Variants in ZMYND8 observed in about 807,000 individuals in gnomAD.
ZMYND8 encodes the protein MYND-type zinc finger-containing chromatin reader ZMYND8.
In ZMYND8, 37 loss-of-function variants were observed where a neutral mutation model predicts 140.8. The observed-to-expected ratio is 0.26, with a 90% CI of 0.20 to 0.35. ZMYND8 has a LOEUF of 0.35. ZMYND8 is among the 10% of genes least tolerant of loss of function. The pLI is 1.00. For missense variants in ZMYND8, 1,068 were observed against 1,570.0 expected (o/e 0.68, Z 5.40); for synonymous variants, 592 against 597.1 (o/e 0.99, Z 0.12).
In ZMYND8 at chr20:47,300,884, TTGTGTGTGTGTGTGTGTGTGTGTGTG is replaced by T. The variant is rs200833449; in HGVS notation, c.235-1963_235-1938del. ...TGAGCGCCACCATGCACAACTAATTTTGTGTGTGTGTGTGTGTGTGTGTGTGTGTGTGTGTGTGTGTGTGTGTGTGT... is the reference window on the plus strand; with the variant it reads ...TGAGCGCCACCATGCACAACTAATTTTGTGTGTGTGTGTGTGTGTGTGTGT... On this transcript the variant is annotated intron_variant, in intron 3 of 22. Transcript: ENST00000471951. Among the ~76,000 whole-genome samples, 5 of 130,296 alleles carry T rather than the reference TTGTGTGTGTGTGTGTGTGTGTGTGTG, an allele frequency of 3.8e-5. No individual in the cohort carries two copies. The Admixed American group carries it at 3.9e-4, about 10-fold the overall frequency. The allele number at this position is 130,296 out of a possible 152,430, so 85.5% of individuals were successfully genotyped here. A position where few individuals can be genotyped will look rare whatever the true frequency, so the allele number is the denominator to read the frequency against.
At chr20:47,329,362 A>C (rs889672751) in intron 2 of ZMYND8, among the ~76,000 whole-genome samples, 1 of 152,176 alleles carries the variant, frequency 6.6e-6, no homozygotes, top group Admixed American at 6.5e-5. Flanking sequence ...CAGACACTTG[A>C]CACGTGGCCA....
chr20:47,282,363 AT>A (rs747519371), intron 9 of ZMYND8, 146 bp from the exon 10 acceptor site: 2 of 623,504 alleles, frequency 3.2e-6, no homozygotes, highest in Non-Finnish European at 5.4e-6. Flanking sequence ...CCTGTGTGGT[AT>A]TCCCTAAAAG....
intron 12 of ZMYND8, among the ~76,000 whole-genome samples, chr20:47,252,291 CAAAAAAA>C (rs144291181): frequency 1.5e-5 from 1 of 68,944 alleles, no homozygotes; most frequent in Non-Finnish European, 2.6e-5. Flanking sequence ...GACTCTGTCT[CAAAAAAA>C]AAAAAAAAAA....
At chr20:47,281,279 C>T (rs2076588140) in intron 10 of ZMYND8, among the ~76,000 whole-genome samples, 1 of 152,152 alleles carries the variant, frequency 6.6e-6, no homozygotes, top group South Asian at 2.1e-4. Flanking sequence ...AGACGACTAG[C>T]AAAATTTAAC....
In ZMYND8 at chr20:47,336,135, C is replaced by T. The variant is rs146067337; in HGVS notation, c.85+11721G>A. 1.2e-3 allele frequency among the ~76,000 whole-genome samples: 188 copies of T among 152,292 alleles called. 2 individuals are homozygous for T. The highest frequency in any genetic ancestry group is 4.4e-3 in the African/African-American group (182 of 41,566). On this transcript the variant is annotated intron_variant, in intron 2 of 22. Coordinates refer to ENST00000471951, the MANE Select transcript of ZMYND8 (RefSeq NM_001281775.3). Reference sequence around the variant, plus strand: ...GAAAAATGACAGAAGGTCTCTATCTCACAGCCGTCCTCATAAACAATCCCT... The same window carrying T: ...GAAAAATGACAGAAGGTCTCTATCTTACAGCCGTCCTCATAAACAATCCCT...
At chr20:47,289,553 C>T (rs2077127022) in intron 7 of ZMYND8, among the ~76,000 whole-genome samples, 1 of 151,944 alleles carries the variant, frequency 6.6e-6, no homozygotes, top group African/African-American at 2.4e-5. Context: ...CTAAGAACAA[C>T]CCAAATATCC....
At chr20:47,310,890 C>T (rs999700734) in intron 2 of ZMYND8, among the ~76,000 whole-genome samples, 8 of 151,770 alleles carry the variant, frequency 5.3e-5, no homozygotes, top group Non-Finnish European at 8.8e-5. Context: ...CATGTGCAAT[C>T]GCCACTCTTC....
chr20:47,334,963 G>T (rs2081280678), intron 2 of ZMYND8, among the ~76,000 whole-genome samples: 1 of 151,916 alleles, frequency 6.6e-6, no homozygotes, highest in Non-Finnish European at 1.5e-5. Context: ...TGGAGAACTG[G>T]GCCCAGGAGT....
Position 47,262,330 on chromosome 20 carries a change from C to A in ZMYND8, c.1579G>T (p.Asp527Tyr). 1 of 1,613,760 alleles carries A rather than the reference C, an allele frequency of 6.2e-7. No homozygotes were observed. The highest frequency in any genetic ancestry group is 8.5e-7 in the Non-Finnish European group (1 of 1,180,000). Reference sequence around the variant, plus strand: ...ATGCTGCCGGTGGTGGAGGTTTTGTCCGTTTTCGTCGTGATAGGAGCTGAC... The same window carrying A: ...ATGCTGCCGGTGGTGGAGGTTTTGTACGTTTTCGTCGTGATAGGAGCTGAC... ...QLSAPITTKT[D>Y]KTSTTGSILN... Residue 527 changes from aspartate (D) to tyrosine (Y), a missense_variant, in exon 12 of 23, where the codon GAC (aspartate) becomes TAC (tyrosine). Physicochemically the swap from Asp to Tyr is radical, Grantham distance 160. Coordinates refer to ENST00000471951, the MANE Select transcript of ZMYND8 (RefSeq NM_001281775.3).
chr20:47,271,871 C>T (rs1196591040), intron 11 of ZMYND8, among the ~76,000 whole-genome samples: 5 of 151,994 alleles, frequency 3.3e-5, no homozygotes, highest in East Asian at 2.0e-4. Flanking sequence ...TTAGTAGAGA[C>T]GGGGTTTCGC....
At chr20:47,278,327 G>T (rs1475616724) in intron 10 of ZMYND8, among the ~76,000 whole-genome samples, 2 of 152,102 alleles carry the variant, frequency 1.3e-5, no homozygotes, top group African/African-American at 4.8e-5. Flanking sequence ...ACTGAAGCCC[G>T]GTAGAAAGCA....
At chr20:47,214,132 C>T (rs138176120) in intron 21 of ZMYND8, among the ~76,000 whole-genome samples, 142 of 152,288 alleles carry the variant, frequency 9.3e-4, no homozygotes, top group African/African-American at 3.3e-3. Context: ...TTTTAAAACC[C>T]ATGTTCCTTC....
intron 14 of ZMYND8, 68 bp downstream of exon 14, chr20:47,245,940 G>T (rs918950711): frequency 2.0e-6 from 3 of 1,519,190 alleles, no homozygotes; most frequent in Non-Finnish European, 2.6e-6. Context: ...CATAACTTTT[G>T]ATAGTAAGTG....
At chr20:47,290,684 C>T (rs1173188648) in intron 6 of ZMYND8, among the ~76,000 whole-genome samples, 2 of 149,432 alleles carry the variant, frequency 1.3e-5, no homozygotes, top group African/African-American at 2.5e-5. Context: ...CTCCACCTCC[C>T]GGGTTCAAGC....
At chr20:47,221,192 C>T (rs1402125323) in intron 20 of ZMYND8, 122 bp downstream of exon 20, 16 of 1,351,138 alleles carry the variant, frequency 1.2e-5, no homozygotes, top group African/African-American at 1.5e-5. Flanking sequence ...CTGGAAATGC[C>T]GGCACACTGT....
chr20:47,260,692 C>T (rs917424072), intron 12 of ZMYND8, among the ~76,000 whole-genome samples: 1 of 152,208 alleles, frequency 6.6e-6, no homozygotes, highest in South Asian at 2.1e-4. Flanking sequence ...CATCACATTA[C>T]CTTCCAGACA....
intron 11 of ZMYND8, among the ~76,000 whole-genome samples, chr20:47,267,882 C>T (rs962121829): frequency 6.6e-6 from 1 of 152,180 alleles, no homozygotes; most frequent in Non-Finnish European, 1.5e-5. Context: ...CACACTGGCT[C>T]GAATTCCTCC....
At chr20:47,227,008 A>AG (rs1307080914) in intron 18 of ZMYND8, among the ~76,000 whole-genome samples, 195 bp downstream of exon 18, 6 of 152,132 alleles carry the variant, frequency 3.9e-5, no homozygotes, top group African/African-American at 1.4e-4. Context: ...AACAGAGGAA[A>AG]GGGGGGCTCC....
At chr20:47,349,816 T>C in intron 1 of ZMYND8, 1 of 1,533,918 alleles carries the variant, frequency 6.5e-7, no homozygotes, top group South Asian at 1.2e-5. Context: ...AAATCTACAG[T>C]GGTGAGGGAA....
Sources: allele counts gnomAD v4.1 joint callset (sites outside exome capture counted in the v4.1 genomes callset), GRCh38; gene constraint gnomAD v4.1.1; transcripts MANE v1.5; gene names NCBI Gene and HGNC (gene_info 2026-07-23, HGNC 2026-07-21).